TFAP2D: variants seen among roughly 807,000 people sequenced by gnomAD.
TFAP2D encodes the protein transcription factor AP-2-delta.
A neutral mutation model predicts 43.6 loss-of-function variants in TFAP2D; 9 were observed. That is an observed-to-expected ratio of 0.21 (90% CI 0.12 to 0.36). The LOEUF (loss-of-function observed/expected upper bound fraction) is 0.36, where lower values mean the gene tolerates loss of function less well. Ranked by LOEUF, TFAP2D falls within the 10% of genes least tolerant of loss-of-function variation. TFAP2D has a pLI of 1.00. For synonymous variants in TFAP2D, 256 were observed against 224.9 expected (o/e 1.14, Z -1.24); for missense variants, 513 against 561.4 (o/e 0.91, Z 0.87).
chr6:50,744,965 A>C, intron 5 of TFAP2D, 142 bp from the exon 6 acceptor site: 1 of 970,028 alleles, frequency 1.0e-6, no homozygotes, highest in Non-Finnish European at 1.5e-6. Flanking sequence ...CCCCCCAAAA[A>C]GGTCTTTTTT....
At chr6:50,734,428 C>T (rs1455205128) in intron 5 of TFAP2D, among the ~76,000 whole-genome samples, 1 of 152,004 alleles carries the variant, frequency 6.6e-6, no homozygotes, top group Non-Finnish European at 1.5e-5. Context: ...ATGTCTTTGG[C>T]TTAACATAAT....
intron 7 of TFAP2D, among the ~76,000 whole-genome samples, chr6:50,756,423 T>G (rs1769266410): frequency 6.6e-6 from 1 of 152,088 alleles, no homozygotes; most frequent in Admixed American, 6.6e-5. Context: ...TAGTTAAACC[T>G]CCTTCCTAAT....
intron 3 of TFAP2D, among the ~76,000 whole-genome samples, chr6:50,719,865 G>A (rs1409705979): frequency 6.6e-6 from 1 of 152,170 alleles, no homozygotes; most frequent in Non-Finnish European, 1.5e-5. Context: ...GGCAAGAGGA[G>A]AGGAGAGAGC....
rs553953248 is a variant in TFAP2D at position 50,747,854 on chromosome 6, A to G, written c.1025+2606A>G. 3.3e-5 allele frequency among the ~76,000 whole-genome samples: 5 copies of G among 152,192 alleles called. No homozygotes were observed. In the South Asian group the frequency reaches 1.0e-3, roughly 31 times the overall value. On this transcript the variant is annotated intron_variant, in intron 6 of 7. Coordinates refer to ENST00000008391, the MANE Select transcript of TFAP2D (RefSeq NM_172238.4). ...TCCTTTTACCTGGGATCTAAGTAAC[A>G]TACATTATTTTAGGTGATATTTTGA... is the stretch of plus-strand genomic sequence containing the variant.
At chr6:50,715,735 TCTCTCTCTCTCTCTCA>T in intron 2 of TFAP2D, 122 bp downstream of exon 2, 1 of 747,478 alleles carries the variant, frequency 1.3e-6, no homozygotes, top group African/African-American at 1.9e-5. Flanking sequence ...TCTCTCTCTC[TCTCTCTCTCTCTCTCA>T]CACACACACA....
intron 5 of TFAP2D, among the ~76,000 whole-genome samples, chr6:50,744,262 T>C (rs1420702514): frequency 2.6e-5 from 4 of 152,156 alleles, no homozygotes; most frequent in Non-Finnish European, 4.4e-5. Context: ...TGTGTTCTCA[T>C]TGTTAAGCTC....
intron 2 of TFAP2D, among the ~76,000 whole-genome samples, chr6:50,717,444 T>A (rs139302826): frequency 3.3e-5 from 5 of 152,226 alleles, no homozygotes; most frequent in African/African-American, 1.2e-4. Context: ...GGGAAAGTGA[T>A]TCACTGCTTT....
At chr6:50,714,132 C>G in intron 1 of TFAP2D, 38 bp downstream of exon 1, 8 of 1,542,330 alleles carry the variant, frequency 5.2e-6, no homozygotes, top group Non-Finnish European at 7.0e-6. Flanking sequence ...TTTGAGCGCG[C>G]GTGTGTGTGG....
intron 2 of TFAP2D, chr6:50,718,079 AC>A (rs1480692976): frequency 3.3e-5 from 5 of 150,994 alleles, no homozygotes; most frequent in Non-Finnish European, 5.9e-5. Flanking sequence ...AAACTGTCAC[AC>A]CTTTTCCCAT....
At chr6:50,737,520 T>C (rs1432465197) in intron 5 of TFAP2D, among the ~76,000 whole-genome samples, 1 of 152,302 alleles carries the variant, frequency 6.6e-6, no homozygotes, top group South Asian at 2.1e-4. Context: ...CAGAAAAGTA[T>C]TCAGTAAAAT....
At chr6:50,730,998 C>A (rs1581763341) in intron 5 of TFAP2D, among the ~76,000 whole-genome samples, 1 of 152,176 alleles carries the variant, frequency 6.6e-6, no homozygotes, top group East Asian at 1.9e-4. Flanking sequence ...TAACGGAAGA[C>A]CCACAAAAAC....
intron 7 of TFAP2D, among the ~76,000 whole-genome samples, chr6:50,754,289 G>A (rs1046807070): frequency 3.3e-5 from 5 of 151,862 alleles, no homozygotes; most frequent in African/African-American, 1.2e-4. Flanking sequence ...CCATGTCATA[G>A]CATGTGTCAA....
rs757132977 is a variant in TFAP2D, at chr6:50,715,380, T to C, written c.304T>C (p.Tyr102His). 1.2e-6 allele frequency: 2 copies of C among 1,614,108 alleles called. No individual in the cohort carries two copies. The highest frequency in any genetic ancestry group is 3.3e-5 in the Admixed American group (2 of 60,026). The change falls in exon 2 of 8, where the codon TAC (tyrosine) becomes CAC (histidine). Residue 102 changes from tyrosine (Y) to histidine (H), a missense_variant. Transcript: ENST00000008391. The part of the protein sequence containing the change: ...LNSLHHSQQY[Y>H]QQIHHGEPTD... ...CTCTCTCCACCACTCGCAACAGTAC[T>C]ACCAGCAGATCCACCACGGGGAGCC... is the stretch of plus-strand genomic sequence containing the variant.
At chr6:50,737,752 T>TA (rs1446775136) in intron 5 of TFAP2D, among the ~76,000 whole-genome samples, 2 of 152,194 alleles carry the variant, frequency 1.3e-5, no homozygotes, top group East Asian at 3.8e-4. Context: ...TTTGTTCTTT[T>TA]AAAAAGTCGT....
intron 5 of TFAP2D, among the ~76,000 whole-genome samples, chr6:50,734,289 T>C (rs1768933494): frequency 6.6e-6 from 1 of 152,026 alleles, no homozygotes; most frequent in Non-Finnish European, 1.5e-5. Flanking sequence ...AATAATATCA[T>C]TTTTGAAGTA....
intron 3 of TFAP2D, among the ~76,000 whole-genome samples, chr6:50,722,096 C>T (rs1232509526): frequency 6.6e-6 from 1 of 152,126 alleles, no homozygotes; most frequent in African/African-American, 2.4e-5. Flanking sequence ...AATGAAGGCC[C>T]GATAGCCAAA....
rs1768601743 is a variant in TFAP2D at position 50,715,389 on chromosome 6, A to AAT, written c.313_314insAT (p.Ile105AsnfsTer45). Reference sequence around the variant, plus strand: ...CCACTCGCAACAGTACTACCAGCAGATCCACCACGGGGAGCCCACCGACTT... The same window carrying AAT: ...CCACTCGCAACAGTACTACCAGCAGAATTCCACCACGGGGAGCCCACCGACTT... On this transcript the variant is annotated frameshift_variant, in exon 2 of 8. Coordinates refer to ENST00000008391, the MANE Select transcript of TFAP2D (RefSeq NM_172238.4). LOFTEE classifies it high-confidence loss of function. 2.2e-5 allele frequency: 35 copies of AAT among 1,613,828 alleles called. No homozygotes were observed. Among genetic ancestry groups the AAT allele is most frequent in the Non-Finnish European group, 2.9e-5 (34 of 1,179,996 alleles).
intron 7 of TFAP2D, among the ~76,000 whole-genome samples, chr6:50,757,062 A>G (rs981216975): frequency 6.6e-6 from 1 of 151,774 alleles, no homozygotes; most frequent in African/African-American, 2.4e-5. Context: ...CAGGGAAGAC[A>G]CCCTGTCCAA....
chr6:50,716,957 A>C (rs573559168), intron 2 of TFAP2D, among the ~76,000 whole-genome samples: 79 of 152,346 alleles, frequency 5.2e-4, no homozygotes, highest in African/African-American at 1.8e-3. Flanking sequence ...GCACAAGAAA[A>C]AAGATTTGGT....
Sources: allele counts gnomAD v4.1 joint callset (sites outside exome capture counted in the v4.1 genomes callset), GRCh38; gene constraint gnomAD v4.1.1; transcripts MANE v1.5; gene names NCBI Gene and HGNC (gene_info 2026-07-23, HGNC 2026-07-21).